The following FOCAD variants were observed in gnomAD, a reference collection of about 807,000 sequenced individuals.
The protein encoded by FOCAD is focadhesin.
In FOCAD, 198 loss-of-function variants were observed where a neutral mutation model predicts 225.6. The ratio of observed to expected loss-of-function variants is 0.88; its 90% confidence interval spans 0.78 to 0.99. The LOEUF is 0.99. Among genes scored for constraint, FOCAD ranks in the 50% least tolerant of loss-of-function variants. The pLI is 0.00. For missense variants in FOCAD, 2,713 were observed against 2,123.6 expected, an observed-to-expected ratio of 1.28 and a Z score of -5.46; for synonymous variants, 897 against 755.0, an observed-to-expected ratio of 1.19 and a Z score of -3.08.
At chr9:20,738,710 T>G (rs368903737) in intron 4 of FOCAD, among the ~76,000 whole-genome samples, 6 of 152,328 alleles carry the variant, frequency 3.9e-5, no homozygotes, top group African/African-American at 1.4e-4. Context: ...ATTTAGGCAC[T>G]AAACTATTTG....
chr9:20,856,897 C>T (rs913128976), intron 15 of FOCAD, among the ~76,000 whole-genome samples: 1 of 151,860 alleles, frequency 6.6e-6, no homozygotes, highest in Non-Finnish European at 1.5e-5. Context: ...GAGTTCACTG[C>T]AGATATGTGG....
intron 35 of FOCAD, among the ~76,000 whole-genome samples, chr9:20,960,069 A>C (rs1838559715): frequency 6.6e-6 from 1 of 152,180 alleles, no homozygotes; most frequent in African/African-American, 2.4e-5. Flanking sequence ...TTTTAATAGA[A>C]AAACAATCTC....
chr9:20,868,534 C>T (rs1202245943), intron 18 of FOCAD, among the ~76,000 whole-genome samples: 3 of 152,062 alleles, frequency 2.0e-5, no homozygotes, highest in Non-Finnish European at 4.4e-5. Context: ...TCTAACTCTT[C>T]TAAACTCTTT....
chr9:20,889,866 G>A (rs1008698324), intron 21 of FOCAD, among the ~76,000 whole-genome samples: 4 of 152,140 alleles, frequency 2.6e-5, no homozygotes, highest in African/African-American at 4.8e-5. Flanking sequence ...CTAGACCCAT[G>A]AACAAGGTAT....
Position 20,943,228 on chromosome 9 carries a change from G to C in FOCAD, c.3408-1399G>C, listed in dbSNP as rs1259059933. ...ATTTAACTGGTTGAAAATGCATTGA[G>C]CTTGTTAAGTTTACGAAGCTGTAAC... On this transcript the variant is annotated intron_variant, in intron 28 of 43. Coordinates refer to ENST00000338382, the MANE Select transcript of FOCAD (RefSeq NM_001375567.1). 3.3e-5 allele frequency among the ~76,000 whole-genome samples: 5 copies of C among 152,188 alleles called. No individual in the cohort carries two copies. In the East Asian group the frequency reaches 9.6e-4, roughly 29 times the overall value.
intron 28 of FOCAD, among the ~76,000 whole-genome samples, chr9:20,941,376 G>C (rs921395529): frequency 6.6e-6 from 1 of 152,146 alleles, no homozygotes; most frequent in South Asian, 2.1e-4. Flanking sequence ...TTTTAGAAAT[G>C]CGATAACATT....
intron 24 of FOCAD, among the ~76,000 whole-genome samples, chr9:20,921,910 A>G (rs1834470482): frequency 1.3e-5 from 2 of 152,256 alleles, no homozygotes; most frequent in South Asian, 4.1e-4. Flanking sequence ...TGATACCCAG[A>G]TTCTAGTGAC....
In FOCAD at chr9:20,986,286, A is replaced by C. The variant is rs866080686; in HGVS notation, c.4729-2A>C. ...AAACAATTTTTTTTTTTTTTTTTGC[A>C]GAGCAACATAGAAAAAGCTGCCTTT... On this transcript the variant is annotated splice_acceptor_variant, in intron 39 of 43. Transcript: ENST00000338382. LOFTEE classifies it high-confidence loss of function. 2 of 286,782 alleles carry C rather than the reference A, an allele frequency of 7.0e-6. No individual in the cohort carries two copies. Among genetic ancestry groups the C allele is most frequent in the African/African-American group, 8.5e-5 (1 of 11,764 alleles). 17.8% of individuals were successfully genotyped at this position (286,782 alleles called of 1,614,324 possible). A position where few individuals can be genotyped will look rare whatever the true frequency, so the allele number is the denominator to read the frequency against.
chr9:20,859,181 T>C (rs1409331451), intron 15 of FOCAD, among the ~76,000 whole-genome samples: 1 of 151,880 alleles, frequency 6.6e-6, no homozygotes, highest in African/African-American at 2.4e-5. Context: ...TTGAGATGAG[T>C]CTGACTAACA....
intron 10 of FOCAD, among the ~76,000 whole-genome samples, chr9:20,785,635 C>G (rs962262059): frequency 2.0e-5 from 3 of 152,216 alleles, no homozygotes; most frequent in African/African-American, 7.2e-5. Flanking sequence ...GTATGGATAC[C>G]TTACATTTTA....
chr9:20,796,039 C>T (rs1466778654), intron 11 of FOCAD, among the ~76,000 whole-genome samples: 2 of 151,384 alleles, frequency 1.3e-5, no homozygotes, highest in Admixed American at 1.3e-4. Context: ...TGTTCAATTC[C>T]CACCTATGAG....
intron 6 of FOCAD, among the ~76,000 whole-genome samples, chr9:20,763,848 C>A (rs539882584): frequency 1.8e-4 from 27 of 152,202 alleles, no homozygotes; most frequent in Non-Finnish European, 7.4e-5. Context: ...TTTTGATGAT[C>A]ATTCCGGTGT....
At chr9:20,964,983 T>C (rs1839132421) in intron 35 of FOCAD, among the ~76,000 whole-genome samples, 1 of 152,046 alleles carries the variant, frequency 6.6e-6, no homozygotes, top group Non-Finnish European at 1.5e-5. Flanking sequence ...GGGAAATAAG[T>C]CTAAAATATG....
At chr9:20,769,815 A>G (rs1419985431) in intron 7 of FOCAD, among the ~76,000 whole-genome samples, 1 of 152,214 alleles carries the variant, frequency 6.6e-6, no homozygotes, top group East Asian at 1.9e-4. Flanking sequence ...AGCCAGCAGT[A>G]ACAAAAACAG....
In FOCAD at chr9:20,866,917, T is replaced by TTTTTAAAAAA; in HGVS notation, c.2107-12_2107-11insTTTTAAAAAA. 1.3e-6 allele frequency: 1 copy of TTTTTAAAAAA among 764,966 alleles called. No individual in the cohort carries two copies. Among genetic ancestry groups the TTTTTAAAAAA allele is most frequent in the Non-Finnish European group, 2.0e-6 (1 of 498,462 alleles). 47.4% of individuals were successfully genotyped at this position (764,966 alleles called of 1,614,324 possible). A position where few individuals can be genotyped will look rare whatever the true frequency, so the allele number is the denominator to read the frequency against. ...TTTTTTTTTTTTTTTTTTTTTTTTT[T>TTTTTAAAAAA]ACCCTATCTAGGACCCAATTGTAGC... On this transcript the variant is annotated splice_polypyrimidine_tract_variant and intron_variant, in intron 17 of 43. Coordinates refer to ENST00000338382, the MANE Select transcript of FOCAD (RefSeq NM_001375567.1).
rs1229816487 is a variant in FOCAD, at chr9:20,782,348, G to C, written c.1197+419G>C. ...TGCCTGGAAGTTCTCATATCAGTAA[G>C]AACTAAAACTTCTTTATTTAATATG... On this transcript the variant is annotated intron_variant, in intron 10 of 43. Transcript: ENST00000338382. 2.0e-5 allele frequency among the ~76,000 whole-genome samples: 3 copies of C among 152,148 alleles called. No individual in the cohort carries two copies. The East Asian group carries it at 5.8e-4, about 29-fold the overall frequency.
At chr9:20,755,052 T>G (rs1251127684) in intron 5 of FOCAD, among the ~76,000 whole-genome samples, 1 of 152,224 alleles carries the variant, frequency 6.6e-6, no homozygotes, top group Admixed American at 6.5e-5. Flanking sequence ...TATACTTAGT[T>G]GAAATGGTAT....
chr9:20,824,292 T>G (rs1442141264), intron 15 of FOCAD, among the ~76,000 whole-genome samples: 2 of 152,062 alleles, frequency 1.3e-5, no homozygotes, highest in East Asian at 3.9e-4. Context: ...TAAACCAGTT[T>G]TGAGAGAAGA....
intron 15 of FOCAD, among the ~76,000 whole-genome samples, chr9:20,847,185 A>T (rs900328030): frequency 4.6e-5 from 7 of 152,100 alleles, no homozygotes; most frequent in Non-Finnish European, 1.0e-4. Context: ...CATCATCCCC[A>T]AAAGGAACTC....
Sources: gnomAD v4.1 joint callset for allele counts (sites outside exome capture counted in the v4.1 genomes callset) on GRCh38, gnomAD v4.1.1 for gene constraint, MANE v1.5 for transcripts, NCBI Gene and HGNC (gene_info 2026-07-23, HGNC 2026-07-21) for gene names.